PRMT9: variants seen among roughly 807,000 people sequenced by gnomAD.
The protein encoded by PRMT9 is protein arginine methyltransferase 9.
Under a neutral mutation model 83.2 loss-of-function variants are expected in PRMT9, and 59 were observed. That is an observed-to-expected ratio of 0.71 (90% CI 0.57 to 0.88). PRMT9 has a LOEUF of 0.88. Ranked by LOEUF, PRMT9 falls within the 40% of genes least tolerant of loss-of-function variation. The pLI is 0.00. For missense variants in PRMT9, 947 were observed against 1,021.9 expected (o/e 0.93, Z 1.00); for synonymous variants, 333 against 353.2 (o/e 0.94, Z 0.64).
In PRMT9 at chr4:147,673,144, T is replaced by C; in HGVS notation, c.576-18A>G. ...CAAACATGCTACAAGGGAAAAAAGTTCTCCATCAAGAAAAAATAATCTACT... is the reference window on the plus strand; with the variant it reads ...CAAACATGCTACAAGGGAAAAAAGTCCTCCATCAAGAAAAAATAATCTACT... On this transcript the variant is annotated intron_variant, in intron 3 of 11. Transcript: ENST00000322396. 3 of 1,612,784 alleles carry C rather than the reference T, an allele frequency of 1.9e-6. No individual in the cohort carries two copies. The highest frequency in any genetic ancestry group is 2.5e-6 in the Non-Finnish European group (3 of 1,179,002).
chr4:147,647,884 C>T (rs1733830586), intron 9 of PRMT9, among the ~76,000 whole-genome samples: 1 of 152,088 alleles, frequency 6.6e-6, no homozygotes, highest in Non-Finnish European at 1.5e-5. Flanking sequence ...TAAGAAGAAC[C>T]CATCAGGCTG....
At chr4:147,647,085 G>A (rs970953419) in intron 9 of PRMT9, among the ~76,000 whole-genome samples, 1 of 152,062 alleles carries the variant, frequency 6.6e-6, no homozygotes, top group Non-Finnish European at 1.5e-5. Context: ...CTAAGGAAAG[G>A]CCACAAGGTT....
chr4:147,680,710 T>C (rs1303603257), intron 1 of PRMT9, among the ~76,000 whole-genome samples: 1 of 152,254 alleles, frequency 6.6e-6, no homozygotes, highest in Non-Finnish European at 1.5e-5. Flanking sequence ...CCCCCCACTC[T>C]TAGCTGCTGT....
chr4:147,638,578 C>T lies in PRMT9; in HGVS notation c.2492G>A (p.Ser831Asn), dbSNP rs747323059. Residue 831 changes from serine to asparagine, a missense_variant, in exon 12 of 12, where the codon AGC (serine) becomes AAC (asparagine). Transcript: ENST00000322396. ...QVEMGEELVL[S>N]IQHHKSNVSI... ...GACATTGCTTTTGTGATGCTGAATG[C>T]TGAGTACAAGTTCCTCTCCCATTTC... is the stretch of plus-strand genomic sequence containing the variant. 1 of 1,613,850 alleles carries T rather than the reference C, an allele frequency of 6.2e-7. No individual in the cohort carries two copies. Among genetic ancestry groups the T allele is most frequent in the Non-Finnish European group, 8.5e-7 (1 of 1,179,864 alleles).
chr4:147,667,670 C>T (rs1317436336), intron 6 of PRMT9, among the ~76,000 whole-genome samples: 1 of 152,088 alleles, frequency 6.6e-6, no homozygotes, highest in East Asian at 1.9e-4. Flanking sequence ...TTTCAAACCA[C>T]TTATCAGTAT....
chr4:147,662,188 C>T (rs893470376), intron 6 of PRMT9, among the ~76,000 whole-genome samples: 4 of 152,016 alleles, frequency 2.6e-5, no homozygotes, highest in Non-Finnish European at 4.4e-5. Context: ...AGTATGATTC[C>T]GCAATGAGAA....
rs1388528010 is a variant in PRMT9 at position 147,660,945 on chromosome 4, A to G, written c.1047T>C (p.Ile349=). The G allele has an allele frequency of 1.9e-6, 3 of 1,612,716 alleles. No homozygotes were observed. Among genetic ancestry groups the G allele is most frequent in the Non-Finnish European group, 2.5e-6 (3 of 1,178,874 alleles). Residue 349 remains isoleucine (I), a synonymous_variant, in exon 7 of 12, where the codon ATT becomes ATC. Coordinates refer to ENST00000322396, the MANE Select transcript of PRMT9 (RefSeq NM_138364.4). The stretch of plus-strand genomic sequence containing the variant: ...TCATCTTTTCAGTTGTATAAGGTTC[A>G]ATTGTTTCTTCAGTATCTACAGAAG... ...AYSSVDTEET[I]EPYTTEKMSR...
chr4:147,679,154 G>A lies in PRMT9; in HGVS notation c.338+1169C>T, dbSNP rs144478424. On this transcript the variant is annotated intron_variant, in intron 2 of 11. Transcript: ENST00000322396. The stretch of plus-strand genomic sequence containing the variant: ...TGTTGGTAAAAAGTGCGGAGAGGCC[G>A]CGTGCAGTGGCTCAAGTCTGTAATC... 2.3e-3 allele frequency among the ~76,000 whole-genome samples: 353 copies of A among 152,324 alleles called. 1 individual carries two copies. The highest frequency in any genetic ancestry group is 6.8e-3 in the Middle Eastern group (2 of 294).
At position 147,672,996 on chromosome 4, in the gene PRMT9, A is replaced by C; in HGVS notation, c.706T>G (p.Ser236Ala). 1 of 1,613,990 alleles carries C rather than the reference A, an allele frequency of 6.2e-7. No homozygotes were observed. Among genetic ancestry groups the C allele is most frequent in the Non-Finnish European group, 8.5e-7 (1 of 1,179,912 alleles). ...EAGIKLLHTK[S>A]LDIEIPKHIP... Reference sequence around the variant, plus strand: ...TGTTTTGGAATCTCTATGTCAAGTGACTTCGTATGTAAGAGTTTGATCCCT... The same window carrying C: ...TGTTTTGGAATCTCTATGTCAAGTGCCTTCGTATGTAAGAGTTTGATCCCT... Residue 236 changes from serine (S) to alanine (A), a missense_variant, in exon 4 of 12, where the codon TCA becomes GCA. Physicochemically the swap from Ser to Ala is moderately conservative, Grantham distance 99. Transcript: ENST00000322396.
At chr4:147,658,494 T>G (rs1477772222) in intron 7 of PRMT9, among the ~76,000 whole-genome samples, 1 of 152,206 alleles carries the variant, frequency 6.6e-6, no homozygotes, top group African/African-American at 2.4e-5. Context: ...CTTTTTCCTT[T>G]CTATCCTGTA....
At chr4:147,675,418 T>C (rs1399773717) in intron 2 of PRMT9, among the ~76,000 whole-genome samples, 4 of 152,340 alleles carry the variant, frequency 2.6e-5, no homozygotes, top group Middle Eastern at 3.4e-3. Flanking sequence ...AGGTGAAAAT[T>C]TCAATGTTTT....
At position 147,654,207 on chromosome 4, in the gene PRMT9, C is replaced by T. The variant is rs1368891149; in HGVS notation, c.1690G>A (p.Glu564Lys). 3.7e-6 allele frequency: 6 copies of T among 1,614,078 alleles called. No homozygotes were observed. The highest frequency in any genetic ancestry group is 4.2e-6 in the Non-Finnish European group (5 of 1,180,026). Residue 564 changes from glutamate to lysine, a missense_variant, in exon 9 of 12, where the codon GAG becomes AAG. Coordinates refer to ENST00000322396, the MANE Select transcript of PRMT9 (RefSeq NM_138364.4). ...YQTMDTHCQNEMSSGTGQSNT... is the reference protein window; with the variant it reads ...YQTMDTHCQNKMSSGTGQSNT... ...CTCTGTCCAGTTCCAGAGCTCATCT[C>T]ATTCTGACAGTGAGTATCCATGGTC...
intron 2 of PRMT9, among the ~76,000 whole-genome samples, chr4:147,675,765 C>T (rs1162954858): frequency 6.6e-6 from 1 of 152,086 alleles, no homozygotes; most frequent in Non-Finnish European, 1.5e-5. Flanking sequence ...TGCCAGAATG[C>T]CCTTTTTCTT....
At chr4:147,683,460 T>C (rs1736635375) in intron 1 of PRMT9, among the ~76,000 whole-genome samples, 1 of 152,164 alleles carries the variant, frequency 6.6e-6, no homozygotes, top group Admixed American at 6.5e-5. Context: ...GGGAAGATGG[T>C]GAGAACTGGT....
intron 6 of PRMT9, among the ~76,000 whole-genome samples, chr4:147,667,574 CATACAAAGAAAAAGAGTAAAGGAATAT>C (rs1735426437): frequency 6.6e-6 from 1 of 152,112 alleles, no homozygotes; most frequent in Non-Finnish European, 1.5e-5. Flanking sequence ...CTCCCTGTAA[CATACAAAGAAAAAGAGTAAAGGAATAT>C]ATAACAAAGA....
chr4:147,675,348 C>A (rs1196340480), intron 2 of PRMT9, among the ~76,000 whole-genome samples: 2 of 152,096 alleles, frequency 1.3e-5, no homozygotes, highest in Non-Finnish European at 2.9e-5. Flanking sequence ...GAAGTCCAAA[C>A]GGGACTGCAC....
chr4:147,649,669 CG>C (rs1296515420), intron 9 of PRMT9, among the ~76,000 whole-genome samples: 1 of 152,058 alleles, frequency 6.6e-6, no homozygotes, highest in Non-Finnish European at 1.5e-5. Context: ...CGCTTGGCTA[CG>C]TTTTTTTTAT....
At chr4:147,647,850 G>A (rs899240181) in intron 9 of PRMT9, among the ~76,000 whole-genome samples, 4 of 152,144 alleles carry the variant, frequency 2.6e-5, no homozygotes, top group African/African-American at 9.7e-5. Flanking sequence ...TGTTCTCACT[G>A]TATTGGCTTT....
At position 147,651,446 on chromosome 4, in the gene PRMT9, G is replaced by A. The variant is rs146745265; in HGVS notation, c.2045+2406C>T. Among the ~76,000 whole-genome samples the A allele has an allele frequency of 6.7e-3, 1,025 of 152,228 alleles. 13 individuals carry two copies. The highest frequency in any genetic ancestry group is 0.024 in the African/African-American group (982 of 41,556). On this transcript the variant is annotated intron_variant, in intron 9 of 11. Transcript: ENST00000322396. Reference sequence around the variant, plus strand: ...AGGAAATGATCAAAAGAGTGAAAAGGCAACCTATGAAGTGGGAAAAAAATA... The same window carrying A: ...AGGAAATGATCAAAAGAGTGAAAAGACAACCTATGAAGTGGGAAAAAAATA...
Sources: gnomAD v4.1 joint callset for allele counts (sites outside exome capture counted in the v4.1 genomes callset) on GRCh38, gnomAD v4.1.1 for gene constraint, MANE v1.5 for transcripts, NCBI Gene and HGNC (gene_info 2026-07-23, HGNC 2026-07-21) for gene names.